GPAT3: variants seen among roughly 807,000 people sequenced by gnomAD.
GPAT3 encodes the protein 1-AGP acyltransferase 9.
GPAT3 carries 53 observed loss-of-function variants against 58.8 expected under a neutral mutation model. The ratio of observed to expected loss-of-function variants is 0.90; its 90% CI spans 0.72 to 1.13. The LOEUF (loss-of-function observed/expected upper bound fraction) is 1.13, where lower values mean the gene tolerates loss of function less well. Among genes scored for constraint, GPAT3 ranks in the 50% most tolerant of loss-of-function variants. The probability of loss-of-function intolerance (pLI) is 0.00; values close to 1 mark genes in which losing one functional copy is unlikely to be tolerated. For missense variants in GPAT3, 511 were observed against 527.6 expected, an observed-to-expected ratio of 0.97 and a Z score of 0.31; for synonymous variants, 197 against 187.4, an observed-to-expected ratio of 1.05 and a Z score of -0.42.
intron 1 of GPAT3, among the ~76,000 whole-genome samples, chr4:83,543,738 G>A (rs1383117749): frequency 6.6e-6 from 1 of 151,926 alleles, no homozygotes; most frequent in Non-Finnish European, 1.5e-5. Flanking sequence ...CTTCCTCCCT[G>A]GTTCAAGCAA....
chr4:83,603,080 C>G lies in GPAT3; in HGVS notation c.1206-1588C>G, dbSNP rs565480165. Among the ~76,000 whole-genome samples, 6 of 152,298 alleles carry G rather than the reference C, an allele frequency of 3.9e-5. No homozygotes were observed. In the South Asian group the frequency reaches 1.2e-3, roughly 32 times the overall value. On this transcript the variant is annotated intron_variant, in intron 11 of 11. Transcript: ENST00000264409. ...CATGGCATTGAGTTCACTGGCTAAC[C>G]TACGATCATTCACCATCATCAGAAA...
chr4:83,574,489 T>C (rs17353060), intron 2 of GPAT3, among the ~76,000 whole-genome samples: 33,189 of 151,904 alleles, frequency 0.22, 3,797 homozygotes, highest in East Asian at 0.31. Context: ...TAATCGCTTG[T>C]GTGAGATAGA....
intron 2 of GPAT3, among the ~76,000 whole-genome samples, chr4:83,564,226 A>G (rs1294257557): frequency 1.3e-5 from 2 of 152,228 alleles, no homozygotes; most frequent in Non-Finnish European, 2.9e-5. Context: ...TGCCAAACCA[A>G]TAGACAAGAA....
intron 1 of GPAT3, among the ~76,000 whole-genome samples, chr4:83,543,497 CA>C: frequency 1.3e-5 from 2 of 152,196 alleles, no homozygotes; most frequent in Admixed American, 1.3e-4. Context: ...TAGGTATATT[CA>C]AAACAAAGTG....
Position 83,598,641 on chromosome 4 carries a change from C to T in GPAT3, c.1126-3C>T. On this transcript the variant is annotated splice_region_variant and splice_polypyrimidine_tract_variant and intron_variant, in intron 10 of 11. Transcript: ENST00000264409. The stretch of plus-strand genomic sequence containing the variant: ...CTTGCAATTTTTTTTTTTTTTAAAC[C>T]AGGAAGGAGAAGATGCAGTCCAGTT... 3 of 1,598,482 alleles carry T rather than the reference C, an allele frequency of 1.9e-6. No homozygotes were observed. Among genetic ancestry groups the T allele is most frequent in the Non-Finnish European group, 2.6e-6 (3 of 1,175,278 alleles).
chr4:83,591,535 GA>G (rs931787439), intron 6 of GPAT3, among the ~76,000 whole-genome samples: 5 of 151,936 alleles, frequency 3.3e-5, no homozygotes, highest in African/African-American at 4.8e-5. Context: ...CCTTTTTAAA[GA>G]AAAAAACTAA....
intron 2 of GPAT3, among the ~76,000 whole-genome samples, chr4:83,545,654 C>T (rs1367839330): frequency 6.6e-6 from 1 of 152,148 alleles, no homozygotes; most frequent in East Asian, 1.9e-4. Flanking sequence ...TATACTTAAA[C>T]ACCCAAATAT....
chr4:83,575,146 G>A (rs1725759299), intron 2 of GPAT3, among the ~76,000 whole-genome samples: 1 of 152,036 alleles, frequency 6.6e-6, no homozygotes, highest in Non-Finnish European at 1.5e-5. Context: ...AAAGTGCTGG[G>A]ATTACAGGCG....
chr4:83,545,417 G>A (rs1171719366), intron 2 of GPAT3, among the ~76,000 whole-genome samples: 2 of 151,080 alleles, frequency 1.3e-5, no homozygotes, highest in Non-Finnish European at 2.9e-5. Context: ...CTGCACTCTG[G>A]CCTGGGCAAT....
chr4:83,550,015 G>T (rs1056659674), intron 2 of GPAT3, among the ~76,000 whole-genome samples: 2 of 151,580 alleles, frequency 1.3e-5, no homozygotes, highest in Admixed American at 6.6e-5. Context: ...GAGCCACCAC[G>T]CCTAGCCCAT....
intron 11 of GPAT3, among the ~76,000 whole-genome samples, chr4:83,599,312 A>C (rs1282595030): frequency 6.6e-6 from 1 of 152,078 alleles, no homozygotes; most frequent in Admixed American, 6.6e-5. Context: ...GGCTGTTCCA[A>C]CTCTACTCAG....
chr4:83,583,310 A>G (rs1427388388), intron 3 of GPAT3, among the ~76,000 whole-genome samples: 3 of 151,826 alleles, frequency 2.0e-5, no homozygotes, highest in Non-Finnish European at 4.4e-5. Flanking sequence ...AAAAGAAAGA[A>G]AGAAAGAAAA....
intron 2 of GPAT3, among the ~76,000 whole-genome samples, chr4:83,562,113 G>A (rs1725146598): frequency 6.9e-6 from 1 of 145,182 alleles, no homozygotes; most frequent in Non-Finnish European, 1.5e-5. Flanking sequence ...GTAAGCAAAG[G>A]CAGGAGGTTA....
intron 9 of GPAT3, 30 bp from the exon 10 acceptor site, chr4:83,598,021 A>G: frequency 6.2e-7 from 1 of 1,611,518 alleles, no homozygotes; most frequent in Non-Finnish European, 8.5e-7. Flanking sequence ...CCCTTATTTC[A>G]TAACTGAGAT....
At chr4:83,582,236 C>G (rs1726168157) in intron 3 of GPAT3, among the ~76,000 whole-genome samples, 1 of 152,220 alleles carries the variant, frequency 6.6e-6, no homozygotes, top group African/African-American at 2.4e-5. Flanking sequence ...CTTTGCCAGT[C>G]CATAGCACTT....
intron 10 of GPAT3, 22 bp from the exon 11 acceptor site, chr4:83,598,622 A>T (rs1726936813): frequency 1.6e-5 from 22 of 1,418,964 alleles, no homozygotes; most frequent in African/African-American, 3.0e-5. Flanking sequence ...TATTCTTGCA[A>T]TTTTTTTTTT....
chr4:83,563,822 T>C (rs1310041732), intron 2 of GPAT3, among the ~76,000 whole-genome samples: 2 of 152,182 alleles, frequency 1.3e-5, no homozygotes, highest in Non-Finnish European at 2.9e-5. Flanking sequence ...CCAAACATGA[T>C]GTCCTATAAA....
At chr4:83,587,567 C>T (rs2110102541) in intron 4 of GPAT3, among the ~76,000 whole-genome samples, 1 of 152,286 alleles carries the variant, frequency 6.6e-6, no homozygotes, top group Admixed American at 6.5e-5. Flanking sequence ...GCTGGGATTA[C>T]AGTCACCCAC....
At chr4:83,537,589 A>ATGTG (rs1491311222) in intron 1 of GPAT3, among the ~76,000 whole-genome samples, 8 of 125,390 alleles carry the variant, frequency 6.4e-5, no homozygotes, top group African/African-American at 2.1e-4. Context: ...TATATGTATA[A>ATGTG]TATGTGTGTG....
Sources: gnomAD v4.1 joint callset for allele counts (sites outside exome capture counted in the v4.1 genomes callset) on GRCh38, gnomAD v4.1.1 for gene constraint, MANE v1.5 for transcripts, NCBI Gene and HGNC (gene_info 2026-07-23, HGNC 2026-07-21) for gene names.